SLCO3A1: variants seen among roughly 807,000 people sequenced by gnomAD.
SLCO3A1 encodes solute carrier organic anion transporter family member 3A1.
Under a neutral mutation model 63.1 loss-of-function variants are expected in SLCO3A1, and 27 were observed. That is an observed-to-expected ratio of 0.43 (90% CI 0.32 to 0.59). SLCO3A1 has a LOEUF of 0.59. SLCO3A1 is among the 20% of genes least tolerant of loss of function. The probability of loss-of-function intolerance (pLI) is 0.09; values close to 1 mark genes in which losing one functional copy is unlikely to be tolerated. For synonymous variants in SLCO3A1, 473 were observed against 409.9 expected (o/e 1.15, Z -1.86); for missense variants, 773 against 945.8 (o/e 0.82, Z 2.40).
rs547449011 is a variant in SLCO3A1 at position 91,900,016 on chromosome 15, G to A, written c.181-15977G>A. Reference sequence around the variant, plus strand: ...ACTGTATTTATCAGATTGTGTTGGTGTTATATTTTTGGTTATATCACATTT... The same window carrying A: ...ACTGTATTTATCAGATTGTGTTGGTATTATATTTTTGGTTATATCACATTT... On this transcript the variant is annotated intron_variant, in intron 1 of 9. Coordinates refer to ENST00000318445, the MANE Select transcript of SLCO3A1 (RefSeq NM_013272.4). The surrounding 1 kb of genome is among the most constrained non-coding windows in gnomAD (Gnocchi z 4.3). Among the ~76,000 whole-genome samples, 1 of 152,268 alleles carries A rather than the reference G, an allele frequency of 6.6e-6. No individual in the cohort carries two copies. Among genetic ancestry groups the A allele is most frequent in the African/African-American group, 2.4e-5 (1 of 41,542 alleles).
intron 2 of SLCO3A1, among the ~76,000 whole-genome samples, chr15:92,021,073 T>C (rs2046503249): frequency 6.6e-6 from 1 of 152,202 alleles, no homozygotes; most frequent in African/African-American, 2.4e-5. Context: ...TCACACGGGT[T>C]TTCCCAGACA....
chr15:91,863,728 T>C lies in SLCO3A1; in HGVS notation c.180+9640T>C, dbSNP rs1455603429. On this transcript the variant is annotated intron_variant, in intron 1 of 9. Coordinates refer to ENST00000318445, the MANE Select transcript of SLCO3A1 (RefSeq NM_013272.4). This position sits in a 1 kb window ranked among gnomAD's most constrained non-coding sequence, Gnocchi z 4.3. Reference sequence around the variant, plus strand: ...CTTAAAGGGAGCCAGGCCCATGAAATAGATGTAGAAGAGCTTCAGAGAAGC... The same window carrying C: ...CTTAAAGGGAGCCAGGCCCATGAAACAGATGTAGAAGAGCTTCAGAGAAGC... Among the ~76,000 whole-genome samples the C allele has an allele frequency of 6.6e-6, 1 of 152,064 alleles. No homozygotes were observed. The highest frequency in any genetic ancestry group is 2.4e-5 in the African/African-American group (1 of 41,402).
chr15:92,056,241 A>G (rs1460851321), intron 2 of SLCO3A1, among the ~76,000 whole-genome samples: 3 of 152,142 alleles, frequency 2.0e-5, no homozygotes, highest in Non-Finnish European at 4.4e-5. Flanking sequence ...GTTGAAGAGC[A>G]TTATCCTTGA....
intron 2 of SLCO3A1, among the ~76,000 whole-genome samples, chr15:92,032,499 A>G (rs901820577): frequency 6.6e-6 from 1 of 152,098 alleles, no homozygotes; most frequent in African/African-American, 2.4e-5. Context: ...AGGGGTGGTG[A>G]GGGTGTGTAT....
chr15:92,149,057 G>A (rs1364619124), intron 8 of SLCO3A1: 1 of 152,316 alleles, frequency 6.6e-6, no homozygotes, highest in Non-Finnish European at 1.5e-5. Flanking sequence ...AAAGGCATTG[G>A]AGAAGCATGA....
Position 91,973,249 on chromosome 15 carries a change from C to T in SLCO3A1, c.646+56791C>T, listed in dbSNP as rs140464926. Among the ~76,000 whole-genome samples the T allele has an allele frequency of 9.4e-3, 1,438 of 152,296 alleles. 11 individuals are homozygous for T. Among genetic ancestry groups the T allele is most frequent in the Middle Eastern group, 0.041 (12 of 294 alleles). On this transcript the variant is annotated intron_variant, in intron 2 of 9. Coordinates refer to ENST00000318445, the MANE Select transcript of SLCO3A1 (RefSeq NM_013272.4). ...TGGATATCCAAGGAACGAATGAATT[C>T]TCAGGTGCCTGCTCCTCCCAGGCAC...
chr15:92,037,403 T>C (rs1004450062), intron 2 of SLCO3A1, among the ~76,000 whole-genome samples: 23 of 152,072 alleles, frequency 1.5e-4, no homozygotes, highest in African/African-American at 5.3e-4. Flanking sequence ...TCAAGCTAGG[T>C]TTCCAACCCA....
Position 92,133,038 on chromosome 15 carries a change from G to A in SLCO3A1, c.1512+4549G>A, listed in dbSNP as rs572008253. On this transcript the variant is annotated intron_variant, in intron 7 of 9. Coordinates refer to ENST00000318445, the MANE Select transcript of SLCO3A1 (RefSeq NM_013272.4). ...TTCTAATACAGGGCTTCTCAGTCAC[G>A]GCACTGTTGACATTTTGGGCCAGAT... is the stretch of plus-strand genomic sequence containing the variant. Among the ~76,000 whole-genome samples the A allele has an allele frequency of 9.2e-4, 135 of 146,040 alleles. 12 individuals are homozygous for A. Among genetic ancestry groups the A allele is most frequent in the African/African-American group, 3.1e-3 (127 of 40,384 alleles).
chr15:92,165,992 A>G (rs2048490813), downstream of SLCO3A1: 1 of 661,136 alleles, frequency 1.5e-6, no homozygotes, highest in African/African-American at 2.0e-5. Flanking sequence ...CTCTGCTGAA[A>G]TTGACAGATC....
chr15:91,997,641 G>T (rs943976422), intron 2 of SLCO3A1, among the ~76,000 whole-genome samples: 1 of 152,144 alleles, frequency 6.6e-6, no homozygotes, highest in Non-Finnish European at 1.5e-5. Flanking sequence ...AAATGACATG[G>T]TACTTATACA....
intron 1 of SLCO3A1, among the ~76,000 whole-genome samples, chr15:91,867,294 G>A (rs934476909): frequency 3.3e-5 from 5 of 152,314 alleles, no homozygotes; most frequent in African/African-American, 7.2e-5. Flanking sequence ...CAGCTTCCTC[G>A]CATGCTGAGG....
intron 3 of SLCO3A1, 143 bp downstream of exon 3, chr15:92,095,122 A>G: frequency 3.3e-6 from 2 of 601,984 alleles, no homozygotes; most frequent in South Asian, 4.1e-5. Context: ...CTCACCCGAG[A>G]TTAGATGAAA....
At chr15:91,921,290 C>T (rs947544874) in intron 2 of SLCO3A1, among the ~76,000 whole-genome samples, 1 of 152,198 alleles carries the variant, frequency 6.6e-6, no homozygotes, top group African/African-American at 2.4e-5. Flanking sequence ...GGTTTAAACC[C>T]ACCCATATTA....
In SLCO3A1 at chr15:91,871,133, A is replaced by C. The variant is rs540897350; in HGVS notation, c.180+17045A>C. 2.6e-5 allele frequency among the ~76,000 whole-genome samples: 4 copies of C among 151,898 alleles called. No homozygotes were observed. The East Asian group carries it at 7.7e-4, about 29-fold the overall frequency. ...GTAAATCAGGCTATATCTTTCTTTG[A>C]TTTATTTATTTGAAGGCTATCTTTT... On this transcript the variant is annotated intron_variant, in intron 1 of 9. Transcript: ENST00000318445.
chr15:92,084,871 A>T (rs2047387228), intron 2 of SLCO3A1, among the ~76,000 whole-genome samples: 1 of 152,210 alleles, frequency 6.6e-6, no homozygotes, highest in Admixed American at 6.5e-5. Context: ...CAGTGATAGT[A>T]TCTCTTCCAA....
chr15:91,998,881 A>G (rs2046221718), intron 2 of SLCO3A1, among the ~76,000 whole-genome samples: 1 of 152,236 alleles, frequency 6.6e-6, no homozygotes, highest in African/African-American at 2.4e-5. Flanking sequence ...AAAGACATGG[A>G]CTCAGCCTAG....
rs367797710 is a variant in SLCO3A1 at position 92,057,398 on chromosome 15, G to A, written c.647-37483G>A. 5.9e-5 allele frequency among the ~76,000 whole-genome samples: 9 copies of A among 152,302 alleles called. No individual in the cohort carries two copies. In the East Asian group the frequency reaches 1.7e-3, roughly 29 times the overall value. On this transcript the variant is annotated intron_variant, in intron 2 of 9. Coordinates refer to ENST00000318445, the MANE Select transcript of SLCO3A1 (RefSeq NM_013272.4). The stretch of plus-strand genomic sequence containing the variant: ...GTGCTTGCTTTTTCCTGAAGATAAT[G>A]GTTAGAACTGAGAATATTGGCAGGC...
intron 2 of SLCO3A1, among the ~76,000 whole-genome samples, chr15:92,094,618 A>G (rs944348229): frequency 1.3e-5 from 2 of 152,240 alleles, no homozygotes; most frequent in Admixed American, 6.5e-5. Context: ...AATATGTTTG[A>G]TGTGGGGTGA....
chr15:92,104,458 T>C lies in SLCO3A1; in HGVS notation c.925T>C (p.Tyr309His), dbSNP rs1374826010. The C allele has an allele frequency of 1.9e-6, 3 of 1,614,108 alleles. No homozygotes were observed. The highest frequency in any genetic ancestry group is 2.5e-6 in the Non-Finnish European group (3 of 1,180,024). ...GCAGGCCATGCTCTCCGAAAGAGAATACGAGAGACCCAAGCCCAGCAACGG... is the reference window on the plus strand; with the variant it reads ...GCAGGCCATGCTCTCCGAAAGAGAACACGAGAGACCCAAGCCCAGCAACGG... ...SEQAMLSERE[Y>H]ERPKPSNGVL... Residue 309 changes from tyrosine to histidine, a missense_variant, in exon 4 of 10, where the codon TAC becomes CAC. Around this residue, in one of 3 missense-constraint regions of SLCO3A1, gnomAD observed 565 missense variants for 749.8 expected, o/e 0.75. Transcript: ENST00000318445.
Sources: allele counts gnomAD v4.1 joint callset (sites outside exome capture counted in the v4.1 genomes callset), GRCh38; gene constraint gnomAD v4.1.1; regional missense constraint gnomAD v4.1.1; non-coding constraint Gnocchi (gnomAD v3.1); transcripts MANE v1.5; gene names NCBI Gene and HGNC (gene_info 2026-07-23, HGNC 2026-07-21).